Variants in LARP4 observed in about 807,000 individuals in gnomAD.
LARP4 encodes the protein la-related protein 4.
Under a neutral mutation model 92.9 loss-of-function variants are expected in LARP4, and 29 were observed. The ratio of observed to expected loss-of-function variants is 0.31; its 90% CI spans 0.23 to 0.43. LARP4 has a LOEUF of 0.43. LARP4 is among the 20% of genes least tolerant of loss of function. The pLI, the probability that LARP4 is intolerant of heterozygous loss-of-function variation, is 1.00. For missense variants in LARP4, 732 were observed against 860.0 expected, an observed-to-expected ratio of 0.85 and a Z score of 1.86; for synonymous variants, 279 against 284.1, an observed-to-expected ratio of 0.98 and a Z score of 0.18.
intron 6 of LARP4, 27 bp downstream of exon 6, chr12:50,437,865 A>G (rs763594889): frequency 2.3e-5 from 31 of 1,358,624 alleles, no homozygotes; most frequent in Non-Finnish European, 3.1e-5. Flanking sequence ...TGTTAACACT[A>G]AATGTTCTCT....
intron 1 of LARP4, among the ~76,000 whole-genome samples, chr12:50,409,063 A>G (rs1297056085): frequency 6.6e-6 from 1 of 152,164 alleles, no homozygotes; most frequent in Middle Eastern, 3.2e-3. Flanking sequence ...TAATGAAAAT[A>G]GGATTATTTT....
chr12:50,408,806 G>A (rs1214082409), intron 1 of LARP4, among the ~76,000 whole-genome samples: 1 of 152,062 alleles, frequency 6.6e-6, no homozygotes, highest in Non-Finnish European at 1.5e-5. Flanking sequence ...TACTAACAAA[G>A]TAACATAATG....
intron 1 of LARP4, among the ~76,000 whole-genome samples, chr12:50,424,227 G>A (rs536290276): frequency 6.6e-6 from 1 of 152,214 alleles, no homozygotes; most frequent in East Asian, 1.9e-4. Context: ...TTAATTAGTG[G>A]AGCATGGTGT....
intron 8 of LARP4, among the ~76,000 whole-genome samples, chr12:50,449,885 A>G (rs1952839983): frequency 6.9e-6 from 1 of 145,602 alleles, no homozygotes; most frequent in African/African-American, 2.6e-5. Flanking sequence ...GGCCTCTTTG[A>G]ATTGACTCCT....
At position 50,440,447 on chromosome 12, in the gene LARP4, A is replaced by G. The variant is rs555128366; in HGVS notation, c.648A>G (p.Lys216=). Reference sequence around the variant, plus strand: ...TTTCTTTTTCTTTTTAGGAAGTGAAAGGTTTGTTCAAAAGTGAAAACTGCC... The same window carrying G: ...TTTCTTTTTCTTTTTAGGAAGTGAAGGGTTTGTTCAAAAGTGAAAACTGCC... ...IPETTPIEEV[K]GLFKSENCPK... is the part of the protein sequence containing the mutation. The change falls in exon 7 of 16, where the codon AAA becomes AAG. Residue 216 remains lysine (K), a synonymous_variant. Transcript: ENST00000398473. 8 of 1,612,164 alleles carry G rather than the reference A, an allele frequency of 5.0e-6. No homozygotes were observed. The African/African-American group carries it at 9.3e-5, about 19-fold the overall frequency.
intron 8 of LARP4, among the ~76,000 whole-genome samples, chr12:50,446,003 CTT>C (rs71441367): frequency 5.5e-5 from 7 of 126,934 alleles, no homozygotes; most frequent in Middle Eastern, 3.9e-3. Flanking sequence ...TTTCTTTTTT[CTT>C]TTTTTTTTTT....
rs1953669890 is a variant in LARP4, at chr12:50,453,602, A to C, written c.947A>C (p.Gln316Pro). Residue 316 changes from glutamine to proline, a missense_variant, in exon 9 of 16, where the codon CAG (glutamine) becomes CCG (proline). By Grantham distance (76) the Gln-to-Pro change is moderately conservative. Coordinates refer to ENST00000398473, the MANE Select transcript of LARP4 (RefSeq NM_052879.5). ...CAGCCTGTATATAATCCTCACCAAC[A>C]GTACTCGGTCTATAGTATTGTGCCT... ...FMQPVYNPHQ[Q>P]YSVYSIVPQS... 1 of 1,613,772 alleles carries C rather than the reference A, an allele frequency of 6.2e-7. No individual in the cohort carries two copies. The highest frequency in any genetic ancestry group is 1.3e-5 in the African/African-American group (1 of 75,012).
rs774688114 is a variant in LARP4, at chr12:50,427,898, C to G, written c.155C>G (p.Ala52Gly). 6.3e-6 allele frequency: 10 copies of G among 1,589,524 alleles called. No individual in the cohort carries two copies. The highest frequency in any genetic ancestry group is 3.4e-5 in the South Asian group (3 of 87,278). ...SWHEIAATSG[A>G]HPEGNAELSE... is the part of the protein sequence containing the mutation. The stretch of plus-strand genomic sequence containing the variant: ...CATGAAATAGCAGCTACATCAGGTG[C>G]TCATCCTGAGGGTAAGTCTTAAATA... Residue 52 changes from alanine to glycine, a missense_variant, in exon 2 of 16, where the codon GCT (alanine) becomes GGT (glycine). Coordinates refer to ENST00000398473, the MANE Select transcript of LARP4 (RefSeq NM_052879.5).
At chr12:50,401,228 C>T in intron 1 of LARP4, 200 bp downstream of exon 1, 1 of 655,646 alleles carries the variant, frequency 1.5e-6, no homozygotes, top group Non-Finnish European at 2.7e-6. Context: ...GGAGGTGAGG[C>T]CCGTAGTGGA....
intron 1 of LARP4, among the ~76,000 whole-genome samples, chr12:50,423,128 AT>A (rs1948119503): frequency 6.6e-6 from 1 of 151,974 alleles, no homozygotes; most frequent in South Asian, 2.1e-4. Context: ...CTGGAAAATT[AT>A]TCTTAAGGGC....
chr12:50,404,596 T>TTGAGACCGAGTCTCGCTC (rs1246260182), intron 1 of LARP4, among the ~76,000 whole-genome samples: 2 of 152,062 alleles, frequency 1.3e-5, no homozygotes, highest in East Asian at 1.9e-4. Flanking sequence ...TTTTTTCCTC[T>TTGAGACCGAGTCTCGCTC]TGAGACCGAG....
rs1181821962 is a variant in LARP4, at chr12:50,475,765, C to G, written c.2076C>G (p.Ile692Met). Residue 692 changes from isoleucine (I) to methionine (M), a missense_variant, in exon 16 of 16, where the codon ATC (isoleucine) becomes ATG (methionine). Around this residue, in one of 7 missense-constraint regions of LARP4, gnomAD observed 115 missense variants for 129.1 expected, o/e 0.89. Transcript: ENST00000398473. The part of the protein sequence containing the change: ...NIIPRGAAGK[I>M]REQRRQFSHR... ...TCCCCAGGGGAGCAGCAGGAAAAAT[C>G]AGGGAACAGAGACGCCAGTTTAGCC... 1 of 1,614,044 alleles carries G rather than the reference C, an allele frequency of 6.2e-7. No homozygotes were observed. The highest frequency in any genetic ancestry group is 8.5e-7 in the Non-Finnish European group (1 of 1,180,046).
intron 11 of LARP4, among the ~76,000 whole-genome samples, chr12:50,461,685 G>A (rs1336825457): frequency 3.3e-5 from 5 of 152,086 alleles, no homozygotes; most frequent in African/African-American, 1.2e-4. Context: ...GGCTGGGTGC[G>A]GTGGCTCACA....
intron 10 of LARP4, among the ~76,000 whole-genome samples, chr12:50,458,648 A>C (rs557800182): frequency 6.6e-6 from 1 of 152,360 alleles, no homozygotes; most frequent in African/African-American, 2.4e-5. Flanking sequence ...TAAACTGCAA[A>C]TAATGGGCCA....
At chr12:50,435,419 GAGTA>G in intron 4 of LARP4, 65 bp from the exon 5 acceptor site, 2 of 919,358 alleles carry the variant, frequency 2.2e-6, no homozygotes, top group South Asian at 2.9e-5. Flanking sequence ...TAGGAAAAGT[GAGTA>G]AGATACCTCT....
At chr12:50,452,658 T>G (rs964122180) in intron 8 of LARP4, among the ~76,000 whole-genome samples, 2 of 152,238 alleles carry the variant, frequency 1.3e-5, no homozygotes, top group African/African-American at 4.8e-5. Flanking sequence ...GATTTCAACT[T>G]ACATTTCTTT....
At chr12:50,473,934 TGATTA>T in intron 14 of LARP4, 60 bp from the exon 15 acceptor site, 1 of 1,390,490 alleles carries the variant, frequency 7.2e-7, no homozygotes. Flanking sequence ...CGTTTTCTTC[TGATTA>T]GTTGCTCAAC....
chr12:50,448,506 A>G (rs1952592103), intron 8 of LARP4, among the ~76,000 whole-genome samples: 1 of 152,110 alleles, frequency 6.6e-6, no homozygotes, highest in African/African-American at 2.4e-5. Flanking sequence ...ATAAATTAAG[A>G]TTTGTATCTC....
chr12:50,470,418 A>ACTTT (rs539989087), intron 13 of LARP4, among the ~76,000 whole-genome samples: 60 of 151,640 alleles, frequency 4.0e-4, no homozygotes, highest in East Asian at 9.7e-4. Flanking sequence ...ACACATATAT[A>ACTTT]CTTTCTTTCT....
Sources: allele counts gnomAD v4.1 joint callset (sites outside exome capture counted in the v4.1 genomes callset), GRCh38; gene constraint gnomAD v4.1.1; regional missense constraint gnomAD v4.1.1; transcripts MANE v1.5; gene names NCBI Gene and HGNC (gene_info 2026-07-23, HGNC 2026-07-21).